Variants in PCSK6 observed in about 807,000 individuals in gnomAD.
PCSK6 encodes the protein proprotein convertase subtilisin/kexin type 6.
PCSK6 carries 85 observed loss-of-function variants against 123.3 expected under a neutral mutation model. The ratio of observed to expected loss-of-function variants is 0.69; its 90% CI spans 0.58 to 0.83. PCSK6 has a LOEUF of 0.83. Ranked by LOEUF, PCSK6 falls within the 40% of genes least tolerant of loss-of-function variation. The pLI is 0.00. For missense variants in PCSK6, 1,191 were observed against 1,282.3 expected, an observed-to-expected ratio of 0.93 and a Z score of 1.09; for synonymous variants, 508 against 516.0, an observed-to-expected ratio of 0.98 and a Z score of 0.21.
chr15:101,333,000 T>C (rs2040402144), intron 13 of PCSK6, among the ~76,000 whole-genome samples: 1 of 152,256 alleles, frequency 6.6e-6, no homozygotes, highest in Non-Finnish European at 1.5e-5. Context: ...GACTTAATGA[T>C]GGGGCTATGT....
At chr15:101,375,636 A>G (rs944201048) in intron 11 of PCSK6, among the ~76,000 whole-genome samples, 4 of 152,186 alleles carry the variant, frequency 2.6e-5, no homozygotes, top group African/African-American at 7.2e-5. Flanking sequence ...TCATGTGTAG[A>G]TGTGTGCAGA....
rs968698273 is a variant in PCSK6 at position 101,459,771 on chromosome 15, C to T, written c.298-16111G>A. ...ATGGTGACCTTGGTGGTTCCTGGTCCTCCATCCATGCGCCTGCCACCGGGT... is the reference window on the plus strand; with the variant it reads ...ATGGTGACCTTGGTGGTTCCTGGTCTTCCATCCATGCGCCTGCCACCGGGT... On this transcript the variant is annotated intron_variant, in intron 1 of 21. Transcript: ENST00000611716. 2.0e-5 allele frequency among the ~76,000 whole-genome samples: 3 copies of T among 151,536 alleles called. No individual in the cohort carries two copies. In the East Asian group the frequency reaches 5.9e-4, roughly 30 times the overall value.
chr15:101,413,672 C>T (rs1389024930), intron 6 of PCSK6, among the ~76,000 whole-genome samples: 1 of 152,128 alleles, frequency 6.6e-6, no homozygotes, highest in Non-Finnish European at 1.5e-5. Flanking sequence ...TTAAATATTT[C>T]AGTGTAGAAG....
intron 20 of PCSK6, 134 bp from the exon 21 acceptor site, chr15:101,307,459 C>T (rs1011419206): frequency 6.8e-5 from 43 of 636,318 alleles, no homozygotes; most frequent in South Asian, 6.2e-4. Context: ...GAGGCTGTGT[C>T]GCCCACCATT....
intron 13 of PCSK6, among the ~76,000 whole-genome samples, chr15:101,336,034 G>A (rs1378412502): frequency 6.6e-6 from 1 of 152,192 alleles, no homozygotes; most frequent in Non-Finnish European, 1.5e-5. Flanking sequence ...AATGACTATT[G>A]AATATGGGGT....
At position 101,325,106 on chromosome 15, in the gene PCSK6, G is replaced by T. The variant is rs2040221257; in HGVS notation, c.2181-60C>A. 4 of 1,295,712 alleles carry T rather than the reference G, an allele frequency of 3.1e-6. No individual in the cohort carries two copies. The South Asian group carries it at 4.1e-5, about 13-fold the overall frequency. 80.3% of individuals were successfully genotyped at this position (1,295,712 alleles called of 1,614,324 possible). Reference sequence around the variant, plus strand: ...CCAACCCAGCCCCAGCCCCAGGCCTGCCCCTTTGTTTCCTCTGAGGAAACG... The same window carrying T: ...CCAACCCAGCCCCAGCCCCAGGCCTTCCCCTTTGTTTCCTCTGAGGAAACG... On this transcript the variant is annotated intron_variant, in intron 16 of 21. Coordinates refer to ENST00000611716, the MANE Select transcript of PCSK6 (RefSeq NM_002570.5).
intron 1 of PCSK6, among the ~76,000 whole-genome samples, chr15:101,445,584 C>A (rs1207308681): frequency 1.3e-5 from 2 of 152,116 alleles, no homozygotes; most frequent in African/African-American, 2.4e-5. Context: ...AACTGCCACA[C>A]GTGTCAAAAG....
chr15:101,459,458 A>ACCGTTCCCGTTCCC (rs1555462799), intron 1 of PCSK6, among the ~76,000 whole-genome samples: 1 of 139,258 alleles, frequency 7.2e-6, no homozygotes, highest in Non-Finnish European at 1.5e-5. Flanking sequence ...ACCTGCTGCC[A>ACCGTTCCCGTTCCC]CCATTCCCGT....
chr15:101,426,709 T>C (rs954423749), intron 6 of PCSK6, among the ~76,000 whole-genome samples: 1 of 151,956 alleles, frequency 6.6e-6, no homozygotes, highest in Non-Finnish European at 1.5e-5. Context: ...CCAACCTCCC[T>C]GCCTGGTACT....
intron 19 of PCSK6, among the ~76,000 whole-genome samples, chr15:101,316,624 G>A (rs1384399516): frequency 6.6e-6 from 1 of 152,230 alleles, no homozygotes; most frequent in African/African-American, 2.4e-5. Flanking sequence ...AGCTGCCAGC[G>A]GGTGGAACCC....
intron 1 of PCSK6, among the ~76,000 whole-genome samples, chr15:101,450,435 C>T (rs1165543131): frequency 6.6e-6 from 1 of 152,190 alleles, no homozygotes; most frequent in African/African-American, 2.4e-5. Flanking sequence ...TCACTGACTC[C>T]AGGAAGCCCT....
At chr15:101,430,299 G>A (rs114969345) in intron 4 of PCSK6, among the ~76,000 whole-genome samples, 194 of 152,110 alleles carry the variant, frequency 1.3e-3, no homozygotes, top group African/African-American at 4.4e-3. Context: ...TGAGGCCATC[G>A]CTGCTACCCA....
chr15:101,387,428 G>A (rs1267053044), intron 9 of PCSK6, among the ~76,000 whole-genome samples: 3 of 152,318 alleles, frequency 2.0e-5, no homozygotes, highest in Middle Eastern at 3.4e-3. Flanking sequence ...TTTAGGTGCC[G>A]GGATGACCTT....
chr15:101,411,229 C>A (rs1422491770), intron 6 of PCSK6, among the ~76,000 whole-genome samples: 1 of 152,070 alleles, frequency 6.6e-6, no homozygotes, highest in African/African-American at 2.4e-5. Context: ...AGGTGCCAGG[C>A]TGGGCGTGCA....
chr15:101,406,419 G>C (rs1200856456), intron 6 of PCSK6, among the ~76,000 whole-genome samples: 1 of 152,196 alleles, frequency 6.6e-6, no homozygotes, highest in African/African-American at 2.4e-5. Context: ...CGCTTCCTGA[G>C]TGTGACAAAT....
At chr15:101,485,729 G>A (rs1179824721) in intron 1 of PCSK6, among the ~76,000 whole-genome samples, 1 of 152,280 alleles carries the variant, frequency 6.6e-6, no homozygotes, top group Admixed American at 6.5e-5. Context: ...CTGCTGGACT[G>A]TCGTTACCAC....
chr15:101,474,474 G>A (rs753587275), intron 1 of PCSK6, among the ~76,000 whole-genome samples: 6 of 152,184 alleles, frequency 3.9e-5, no homozygotes, highest in Non-Finnish European at 7.3e-5. Flanking sequence ...CACCTCGTCC[G>A]GGGCCAGGCT....
intron 1 of PCSK6, among the ~76,000 whole-genome samples, chr15:101,477,903 C>T (rs2057772320): frequency 6.6e-6 from 1 of 152,202 alleles, no homozygotes; most frequent in South Asian, 2.1e-4. Context: ...TTCATTCCTG[C>T]ATAGATAAGC....
At chr15:101,419,297 G>A (rs187019525) in intron 6 of PCSK6, among the ~76,000 whole-genome samples, 13 of 151,628 alleles carry the variant, frequency 8.6e-5, no homozygotes, top group African/African-American at 2.4e-4. Flanking sequence ...TCCTATATCC[G>A]TTTCAATAAT....
Sources: gnomAD v4.1 joint callset for allele counts (sites outside exome capture counted in the v4.1 genomes callset) on GRCh38, gnomAD v4.1.1 for gene constraint, MANE v1.5 for transcripts, NCBI Gene and HGNC (gene_info 2026-07-23, HGNC 2026-07-21) for gene names.